NAALADL2: variants seen among roughly 807,000 people sequenced by gnomAD.
The protein encoded by NAALADL2 is N-acetylated alpha-linked acidic dipeptidase like 2.
NAALADL2 carries 76 observed loss-of-function variants against 87.2 expected under a neutral mutation model. That is an observed-to-expected ratio of 0.87 (90% confidence interval 0.72 to 1.05). The LOEUF (loss-of-function observed/expected upper bound fraction) is 1.05, where lower values mean the gene tolerates loss of function less well. Among genes scored for constraint, NAALADL2 ranks in the 50% least tolerant of loss-of-function variants. The pLI, the probability that NAALADL2 is intolerant of heterozygous loss-of-function variation, is 0.00. For missense variants in NAALADL2, 1,089 were observed against 945.8 expected (o/e 1.15, Z -1.99); for synonymous variants, 354 against 331.0 (o/e 1.07, Z -0.75).
intron 2 of NAALADL2, among the ~76,000 whole-genome samples, chr3:174,652,894 A>C (rs911517758): frequency 6.6e-6 from 1 of 152,202 alleles, no homozygotes. Context: ...CAATGGAAAA[A>C]TAGGCAAAAG....
chr3:175,232,528 A>G (rs10936830), intron 2 of NAALADL2, among the ~76,000 whole-genome samples: 63,245 of 152,040 alleles, frequency 0.42, 14,018 homozygotes, highest in East Asian at 0.54. Flanking sequence ...TGGGCCACAC[A>G]TAAAATACAT....
At chr3:174,560,731 C>CT (rs1224640916) in intron 2 of NAALADL2, among the ~76,000 whole-genome samples, 2 of 151,976 alleles carry the variant, frequency 1.3e-5, no homozygotes, top group South Asian at 2.1e-4. Flanking sequence ...TACCGTGTGC[C>CT]TTTTTTCTAG....
chr3:175,165,225 A>C (rs1733809642), intron 2 of NAALADL2, among the ~76,000 whole-genome samples: 1 of 152,154 alleles, frequency 6.6e-6, no homozygotes, highest in Non-Finnish European at 1.5e-5. Context: ...TGTCATCCTC[A>C]TAATGTGCAC....
At chr3:175,618,298 G>C (rs1725635752) in intron 10 of NAALADL2, among the ~76,000 whole-genome samples, 1 of 152,144 alleles carries the variant, frequency 6.6e-6, no homozygotes, top group African/African-American at 2.4e-5. Context: ...AGGAGCAGAA[G>C]TGAGGTCAGG....
chr3:174,522,750 C>T (rs901969633), intron 1 of NAALADL2, among the ~76,000 whole-genome samples: 5 of 151,616 alleles, frequency 3.3e-5, no homozygotes, highest in African/African-American at 4.8e-5. Flanking sequence ...CTGGCTAACA[C>T]GGTGAAACCC....
At chr3:175,764,673 T>G (rs1748456538) in intron 13 of NAALADL2, among the ~76,000 whole-genome samples, 1 of 152,076 alleles carries the variant, frequency 6.6e-6, no homozygotes, top group Non-Finnish European at 1.5e-5. Flanking sequence ...CTCCCAAAAC[T>G]TTGCTTTTGA....
intron 12 of NAALADL2, 28 bp from the exon 13 acceptor site, chr3:175,755,192 C>G (rs1298808643): frequency 6.3e-7 from 1 of 1,588,796 alleles, no homozygotes; most frequent in Admixed American, 1.7e-5. Context: ...AATGTCTCTT[C>G]TGAGATGGGC....
rs76539804 is a variant in NAALADL2 at position 175,216,208 on chromosome 3, T to C, written c.546-17723T>C. Among the ~76,000 whole-genome samples, 219 of 152,298 alleles carry C rather than the reference T, an allele frequency of 1.4e-3. 3 individuals carry two copies. The East Asian group carries it at 0.037, about 25-fold the overall frequency. On this transcript the variant is annotated intron_variant, in intron 2 of 13. Coordinates refer to ENST00000454872, the MANE Select transcript of NAALADL2 (RefSeq NM_207015.3). ...AAAAAAGATGACCAATTTTGAATAT[T>C]ATGTACCGTGATTCCCCCTTCCCCT... is the stretch of plus-strand genomic sequence containing the variant.
chr3:175,775,396 T>C (rs1750090833), intron 13 of NAALADL2, among the ~76,000 whole-genome samples: 1 of 152,068 alleles, frequency 6.6e-6, no homozygotes, highest in African/African-American at 2.4e-5. Context: ...ATAATAGTAG[T>C]TATTACTCAA....
intron 1 of NAALADL2, among the ~76,000 whole-genome samples, chr3:174,457,604 T>A (rs1230022776): frequency 6.6e-6 from 1 of 152,092 alleles, no homozygotes; most frequent in East Asian, 1.9e-4. Flanking sequence ...GGTGGGCAGA[T>A]CATGAGGTCA....
At chr3:174,957,522 T>C (rs1307348064) in intron 1 of NAALADL2, among the ~76,000 whole-genome samples, 2 of 152,040 alleles carry the variant, frequency 1.3e-5, no homozygotes, top group Non-Finnish European at 2.9e-5. Flanking sequence ...CAACCTAAGC[T>C]GTGGGGGTAT....
At chr3:175,698,504 A>ATATATATGT (rs1278192087) in intron 11 of NAALADL2, among the ~76,000 whole-genome samples, 1 of 87,022 alleles carries the variant, frequency 1.1e-5, no homozygotes, top group Non-Finnish European at 2.3e-5. Flanking sequence ...TATATATATA[A>ATATATATGT]AATCTCCAAG....
At chr3:174,799,122 A>G (rs891032844) in intron 3 of NAALADL2, among the ~76,000 whole-genome samples, 5 of 151,302 alleles carry the variant, frequency 3.3e-5, no homozygotes, top group Non-Finnish European at 7.4e-5. Flanking sequence ...TTGAGCCATG[A>G]TCGTGCCACT....
intron 13 of NAALADL2, among the ~76,000 whole-genome samples, chr3:175,775,805 G>A (rs928359718): frequency 1.3e-5 from 2 of 152,214 alleles, no homozygotes; most frequent in Admixed American, 6.5e-5. Flanking sequence ...AACATCACAG[G>A]AGTCCTCCTG....
intron 3 of NAALADL2, among the ~76,000 whole-genome samples, chr3:174,768,614 G>T (rs1714151311): frequency 6.6e-6 from 1 of 152,038 alleles, no homozygotes; most frequent in Non-Finnish European, 1.5e-5. Flanking sequence ...TTTTATCAAG[G>T]AACAAATTAG....
At chr3:175,792,709 T>C (rs1206164499) in intron 13 of NAALADL2, among the ~76,000 whole-genome samples, 3 of 152,218 alleles carry the variant, frequency 2.0e-5, no homozygotes, top group Non-Finnish European at 2.9e-5. Flanking sequence ...CGTACTCACA[T>C]TGGCTTAACT....
At chr3:175,779,333 C>T (rs1750696203) in intron 13 of NAALADL2, among the ~76,000 whole-genome samples, 1 of 152,146 alleles carries the variant, frequency 6.6e-6, no homozygotes, top group Admixed American at 6.5e-5. Flanking sequence ...TGATCTCTTA[C>T]ATGGGAAACA....
intron 10 of NAALADL2, among the ~76,000 whole-genome samples, chr3:175,595,657 G>T (rs912943497): frequency 1.3e-5 from 2 of 151,828 alleles, no homozygotes; most frequent in African/African-American, 4.8e-5. Flanking sequence ...CAGAGAAAAT[G>T]AAAACCTGGG....
Position 175,354,134 on chromosome 3 carries a change from A to C in NAALADL2, c.1090+29809A>C, listed in dbSNP as rs77218256. On this transcript the variant is annotated intron_variant, in intron 5 of 13. Coordinates refer to ENST00000454872, the MANE Select transcript of NAALADL2 (RefSeq NM_207015.3). Reference sequence around the variant, plus strand: ...CATTGTTTTGTTAAAAGCTTAATAAATCATTATTTAATTTTAAAGAAAGTT... The same window carrying C: ...CATTGTTTTGTTAAAAGCTTAATAACTCATTATTTAATTTTAAAGAAAGTT... 4.5e-3 allele frequency among the ~76,000 whole-genome samples: 686 copies of C among 152,330 alleles called. 3 individuals are homozygous for C. Among genetic ancestry groups the C allele is most frequent in the Non-Finnish European group, 6.3e-3 (431 of 68,028 alleles).
Sources: allele counts gnomAD v4.1 joint callset (sites outside exome capture counted in the v4.1 genomes callset), GRCh38; gene constraint gnomAD v4.1.1; transcripts MANE v1.5; gene names NCBI Gene and HGNC (gene_info 2026-07-23, HGNC 2026-07-21).